VPS37A: variants seen among roughly 807,000 people sequenced by gnomAD.
VPS37A encodes the protein vacuolar protein sorting-associated protein 37A.
VPS37A carries 30 observed loss-of-function variants against 49.8 expected under a neutral mutation model. The observed-to-expected ratio is 0.60, with a 90% confidence interval of 0.45 to 0.82. The LOEUF is 0.82. VPS37A is among the 40% of genes least tolerant of loss of function. VPS37A has a pLI of 0.00. For missense variants in VPS37A, 593 were observed against 464.4 expected (o/e 1.28, Z -2.55); for synonymous variants, 195 against 160.6 (o/e 1.21, Z -1.62).
intron 1 of VPS37A, among the ~76,000 whole-genome samples, chr8:17,262,051 T>C (rs531118999): frequency 6.6e-6 from 1 of 152,308 alleles, no homozygotes; most frequent in Non-Finnish European, 1.5e-5. Context: ...GATCTTACTT[T>C]TTCCAGTGTA....
the VPS37A span, chr8:17,311,811 G>T: frequency 1.1e-6 from 1 of 943,920 alleles, no homozygotes; most frequent in Non-Finnish European, 1.6e-6. Flanking sequence ...GTGGCCTGGT[G>T]CTGGCAGCTA....
At chr8:17,304,264 T>G (rs1817308370), downstream of VPS37A, 1 of 1,199,428 alleles carries the variant, frequency 8.3e-7, no homozygotes. Flanking sequence ...CTGGTGTCTT[T>G]TGTGTCCAAT....
At chr8:17,260,471 G>A (rs1669991712) in intron 1 of VPS37A, among the ~76,000 whole-genome samples, 2 of 152,032 alleles carry the variant, frequency 1.3e-5, no homozygotes, top group South Asian at 2.1e-4. Context: ...GCCTCATACT[G>A]GAATTATAAG....
intron 1 of VPS37A, among the ~76,000 whole-genome samples, chr8:17,254,654 C>A (rs1335631102): frequency 6.6e-6 from 1 of 151,656 alleles, no homozygotes; most frequent in Admixed American, 6.6e-5. Context: ...AATGTTCACT[C>A]CTTTCTTACA....
chr8:17,252,222 G>C (rs903463056), intron 1 of VPS37A, among the ~76,000 whole-genome samples: 1 of 152,048 alleles, frequency 6.6e-6, no homozygotes, highest in African/African-American at 2.4e-5. Flanking sequence ...ACCCAGGCTA[G>C]AGTGCAGTGG....
At chr8:17,251,919 A>G (rs1205429746) in intron 1 of VPS37A, among the ~76,000 whole-genome samples, 4 of 152,152 alleles carry the variant, frequency 2.6e-5, no homozygotes, top group African/African-American at 9.7e-5. Flanking sequence ...TAACGTTTTG[A>G]TCACAGCTAT....
At chr8:17,255,008 T>C (rs1392666581) in intron 1 of VPS37A, among the ~76,000 whole-genome samples, 1 of 151,974 alleles carries the variant, frequency 6.6e-6, no homozygotes, top group Non-Finnish European at 1.5e-5. Context: ...TTATCTTGAA[T>C]TGATCTTTTT....
At chr8:17,326,269 C>G in the VPS37A span, 1 of 152,182 alleles carries the variant, frequency 6.6e-6, no homozygotes, top group Non-Finnish European at 1.5e-5. Context: ...TTCTCAGGCT[C>G]TGTGCCTCAA....
downstream of VPS37A, chr8:17,301,602 T>C (rs375357255): frequency 2.0e-5 from 3 of 152,422 alleles, no homozygotes; most frequent in African/African-American, 7.2e-5. Flanking sequence ...AATAGACTAA[T>C]AGAATCCTAA....
chr8:17,266,035 A>G (rs942159778), intron 2 of VPS37A, 54 bp downstream of exon 2: 58 of 1,486,216 alleles, frequency 3.9e-5, no homozygotes, highest in Non-Finnish European at 5.3e-5. Context: ...CAGTTTTTTT[A>G]TTGTTTCTTA....
the VPS37A span, chr8:17,309,362 G>C: frequency 7.1e-7 from 1 of 1,403,708 alleles, no homozygotes; most frequent in East Asian, 2.3e-5. Flanking sequence ...TTGGAGAGAA[G>C]CAAACGAAAA....
chr8:17,247,290 G>C lies in VPS37A; in HGVS notation c.46G>C (p.Ala16Pro). 1 of 1,566,140 alleles carries C rather than the reference G, an allele frequency of 6.4e-7. No individual in the cohort carries two copies. Among genetic ancestry groups the C allele is most frequent in the Non-Finnish European group, 8.7e-7 (1 of 1,155,568 alleles). ...PLTKSASSSA[A>P]GSPGGLTSLQ... is the part of the protein sequence containing the mutation. ...GACCAAGAGCGCCTCCTCCTCCGCG[G>C]CTGGGTCCCCCGGTGGCCTCACCAG... The change falls in exon 1 of 12, where the codon GCT becomes CCT. Residue 16 changes from alanine (A) to proline (P), a missense_variant. Coordinates refer to ENST00000324849, the MANE Select transcript of VPS37A (RefSeq NM_152415.3).
intron 4 of VPS37A, among the ~76,000 whole-genome samples, chr8:17,271,698 T>C (rs952119156): frequency 5.3e-5 from 8 of 152,202 alleles, no homozygotes; most frequent in Non-Finnish European, 7.3e-5. Flanking sequence ...AAATAAGCTG[T>C]TGGGCTTCCA....
At chr8:17,255,308 C>T (rs1291197932) in intron 1 of VPS37A, among the ~76,000 whole-genome samples, 3 of 152,050 alleles carry the variant, frequency 2.0e-5, no homozygotes, top group African/African-American at 7.2e-5. Context: ...TGGTGAAACC[C>T]TGTCTCTACT....
the VPS37A span, among the ~76,000 whole-genome samples, chr8:17,320,625 T>C: frequency 5.1e-4 from 77 of 152,272 alleles, no homozygotes; most frequent in South Asian, 6.2e-3. Context: ...ATGGACCCAA[T>C]TGGAAGACAG....
chr8:17,312,362 G>T, the VPS37A span, among the ~76,000 whole-genome samples: 3 of 152,062 alleles, frequency 2.0e-5, no homozygotes, highest in Admixed American at 1.3e-4. Flanking sequence ...ATCACCTGAG[G>T]TCAGGAGTCC....
At chr8:17,331,707 G>T in the VPS37A span, among the ~76,000 whole-genome samples, 1 of 152,168 alleles carries the variant, frequency 6.6e-6, no homozygotes. Context: ...ATATCTTCTA[G>T]TATTAGATTG....
At chr8:17,313,194 C>A in the VPS37A span, 2 of 807,430 alleles carry the variant, frequency 2.5e-6, no homozygotes, top group Non-Finnish European at 4.1e-6. Flanking sequence ...CAGTGCAGTG[C>A]AGCTTAAGAC....
the VPS37A span, among the ~76,000 whole-genome samples, chr8:17,315,463 G>A: frequency 6.6e-6 from 1 of 152,096 alleles, no homozygotes; most frequent in African/African-American, 2.4e-5. Flanking sequence ...CCGTACAGTG[G>A]ACTTTGAGTG....
Sources: gnomAD v4.1 joint callset for allele counts (sites outside exome capture counted in the v4.1 genomes callset) on GRCh38, gnomAD v4.1.1 for gene constraint, MANE v1.5 for transcripts, NCBI Gene and HGNC (gene_info 2026-07-23, HGNC 2026-07-21) for gene names.